Variants in ZNF804B observed in about 807,000 individuals in gnomAD.
The protein encoded by ZNF804B is zinc finger protein 804B.
Under a neutral mutation model 101.4 loss-of-function variants are expected in ZNF804B, and 80 were observed. The observed-to-expected ratio is 0.79, with a 90% CI of 0.66 to 0.95. The LOEUF is 0.95. ZNF804B is among the 40% of genes least tolerant of loss of function. The pLI, the probability that ZNF804B is intolerant of heterozygous loss-of-function variation, is 0.00. For synonymous variants in ZNF804B, 622 were observed against 558.8 expected, an observed-to-expected ratio of 1.11 and a Z score of -1.59; for missense variants, 1,673 against 1,561.9, an observed-to-expected ratio of 1.07 and a Z score of -1.20.
intron 1 of ZNF804B, among the ~76,000 whole-genome samples, chr7:89,013,167 T>A (rs1464003203): frequency 6.6e-6 from 1 of 152,100 alleles, no homozygotes; most frequent in East Asian, 1.9e-4. Flanking sequence ...GAGATTTGGG[T>A]AGGGACACAG....
chr7:88,933,395 CT>C, intron 1 of ZNF804B, among the ~76,000 whole-genome samples: 1 of 152,036 alleles, frequency 6.6e-6, no homozygotes, highest in South Asian at 2.1e-4. Flanking sequence ...AGGATGCACA[CT>C]TTAACCACTT....
At chr7:89,138,390 C>T (rs976559281) in intron 1 of ZNF804B, among the ~76,000 whole-genome samples, 7 of 152,012 alleles carry the variant, frequency 4.6e-5, no homozygotes, top group Admixed American at 2.6e-4. Context: ...ACGATGTGAC[C>T]GTTGTATCTA....
In ZNF804B at chr7:89,197,410, C is replaced by T. The variant is rs113974800; in HGVS notation, c.109-20745C>T. On this transcript the variant is annotated intron_variant, in intron 1 of 3. Transcript: ENST00000333190. Reference sequence around the variant, plus strand: ...GCAAAATATGTGAAAATAAAAGTGACACTACCAGCTCTGCCTTTGTTGATG... The same window carrying T: ...GCAAAATATGTGAAAATAAAAGTGATACTACCAGCTCTGCCTTTGTTGATG... Among the ~76,000 whole-genome samples the T allele has an allele frequency of 4.3e-3, 654 of 152,018 alleles. 6 individuals carry two copies. The highest frequency in any genetic ancestry group is 0.014 in the African/African-American group (600 of 41,548).
intron 1 of ZNF804B, among the ~76,000 whole-genome samples, chr7:89,094,441 A>G (rs1201648036): frequency 6.6e-6 from 1 of 152,184 alleles, no homozygotes; most frequent in Non-Finnish European, 1.5e-5. Context: ...TCTTACGCCT[A>G]CTAAACATTG....
rs750375602 is a variant in ZNF804B, at chr7:88,958,334, C to T, written c.108+198250C>T. Among the ~76,000 whole-genome samples, 12 of 151,440 alleles carry T rather than the reference C, an allele frequency of 7.9e-5. 1 individual carries two copies. The highest frequency in any genetic ancestry group is 3.3e-4 in the Admixed American group (5 of 15,150). On this transcript the variant is annotated intron_variant, in intron 1 of 3. Transcript: ENST00000333190. The stretch of plus-strand genomic sequence containing the variant: ...AAAATTATTCATAAAAATGGAGGCT[C>T]CTCGTGCATATGACAAATACACAAT...
intron 1 of ZNF804B, among the ~76,000 whole-genome samples, chr7:88,989,718 C>T (rs1212839311): frequency 6.6e-6 from 1 of 152,026 alleles, no homozygotes; most frequent in Non-Finnish European, 1.5e-5. Context: ...TGACAAGAAA[C>T]CAAAGTAGCC....
intron 1 of ZNF804B, among the ~76,000 whole-genome samples, chr7:88,804,405 G>A (rs921000431): frequency 2.0e-5 from 3 of 152,058 alleles, no homozygotes; most frequent in African/African-American, 7.2e-5. Context: ...GGTATGCTTC[G>A]AAAATACCTT....
At chr7:89,115,092 A>G (rs1790288208) in intron 1 of ZNF804B, among the ~76,000 whole-genome samples, 1 of 152,152 alleles carries the variant, frequency 6.6e-6, no homozygotes, top group Non-Finnish European at 1.5e-5. Context: ...CTCCCTTAAA[A>G]TGCATAATAG....
intron 1 of ZNF804B, among the ~76,000 whole-genome samples, chr7:88,956,294 T>C (rs1278516770): frequency 6.6e-6 from 1 of 151,576 alleles, no homozygotes; most frequent in Non-Finnish European, 1.5e-5. Context: ...CTTATGTTTA[T>C]TGCACCACTA....
intron 1 of ZNF804B, among the ~76,000 whole-genome samples, chr7:88,944,778 C>T (rs1479752228): frequency 6.6e-6 from 1 of 151,630 alleles, no homozygotes; most frequent in East Asian, 1.9e-4. Flanking sequence ...TGAAATACTC[C>T]AAAATCCAAA....
chr7:88,800,110 A>G (rs918033336), intron 1 of ZNF804B, among the ~76,000 whole-genome samples: 32 of 152,248 alleles, frequency 2.1e-4, no homozygotes, highest in African/African-American at 7.2e-4. Flanking sequence ...GCCAAAGAGA[A>G]CTAATCATCT....
chr7:89,334,407 C>T lies in ZNF804B; in HGVS notation c.1425C>T (p.Cys475=). ...CAGAACCCTGTATCTCTTATGGCTG[C>T]AACCCACTGTATTTTGATTTTAAGC... ...TKTEPCISYG[C]NPLYFDFKLS... The change falls in exon 4 of 4, where the codon TGC becomes TGT. Residue 475 remains cysteine (C), a synonymous_variant. Coordinates refer to ENST00000333190, the MANE Select transcript of ZNF804B (RefSeq NM_181646.5). The T allele has an allele frequency of 6.2e-7, 1 of 1,613,686 alleles. No homozygotes were observed. Among genetic ancestry groups the T allele is most frequent in the Non-Finnish European group, 8.5e-7 (1 of 1,179,818 alleles).
At chr7:89,287,274 C>T (rs187879085) in intron 2 of ZNF804B, among the ~76,000 whole-genome samples, 2 of 152,030 alleles carry the variant, frequency 1.3e-5, no homozygotes, top group African/African-American at 4.8e-5. Context: ...TACCCCTAAC[C>T]CCTGCATTTT....
chr7:89,192,817 AT>A (rs769970615), intron 1 of ZNF804B, among the ~76,000 whole-genome samples: 3 of 152,064 alleles, frequency 2.0e-5, no homozygotes, highest in Non-Finnish European at 4.4e-5. Flanking sequence ...ATCAAATAGT[AT>A]TTATCCCAGG....
rs796577827 is a variant in ZNF804B at position 88,901,979 on chromosome 7, A to G, written c.108+141895A>G. On this transcript the variant is annotated intron_variant, in intron 1 of 3. Transcript: ENST00000333190. ...AGGAAGCCTCTTATAAAATGTGATT[A>G]GAACACAGTCATCAAAGCAGGGGAT... Among the ~76,000 whole-genome samples, 7 of 152,076 alleles carry G rather than the reference A, an allele frequency of 4.6e-5. 1 individual carries two copies. The South Asian group carries it at 1.4e-3, about 31-fold the overall frequency.
intron 1 of ZNF804B, among the ~76,000 whole-genome samples, chr7:88,987,987 TTCTCAGCCTCTAATAACCATTATTCTAC>T (rs969637348): frequency 3.3e-5 from 5 of 152,040 alleles, no homozygotes; most frequent in African/African-American, 1.2e-4. Context: ...CTTCCTTTTC[TTCTCAGCCTCTAATAACCATTATTCTAC>T]TCTCTACATC....
At chr7:89,033,942 A>G (rs1788882479) in intron 1 of ZNF804B, among the ~76,000 whole-genome samples, 1 of 152,102 alleles carries the variant, frequency 6.6e-6, no homozygotes, top group Non-Finnish European at 1.5e-5. Flanking sequence ...TTTTATTATT[A>G]GTGTAGCATC....
intron 1 of ZNF804B, among the ~76,000 whole-genome samples, chr7:88,835,304 C>T (rs1165019872): frequency 6.6e-6 from 1 of 151,774 alleles, no homozygotes; most frequent in Non-Finnish European, 1.5e-5. Context: ...CACCAGTACT[C>T]CTGATTGCCC....
intron 1 of ZNF804B, among the ~76,000 whole-genome samples, chr7:88,788,400 G>T (rs1410083593): frequency 6.6e-6 from 1 of 151,984 alleles, no homozygotes; most frequent in Non-Finnish European, 1.5e-5. Context: ...CTTTACACTT[G>T]TTGTTCTGTC....
Sources: allele counts gnomAD v4.1 joint callset (sites outside exome capture counted in the v4.1 genomes callset), GRCh38; gene constraint gnomAD v4.1.1; transcripts MANE v1.5; gene names NCBI Gene and HGNC (gene_info 2026-07-23, HGNC 2026-07-21).